The following SEZ6L variants were observed in gnomAD, a reference collection of about 807,000 sequenced individuals.
The protein encoded by SEZ6L is seizure 6-like protein.
In SEZ6L, 37 loss-of-function variants were observed where a neutral mutation model predicts 106.2. That is an observed-to-expected ratio of 0.35 (90% CI 0.27 to 0.46). SEZ6L has a LOEUF of 0.46. Ranked by LOEUF, SEZ6L falls within the 20% of genes least tolerant of loss-of-function variation. SEZ6L has a pLI of 1.00. For synonymous variants in SEZ6L, 541 were observed against 570.4 expected, an observed-to-expected ratio of 0.95 and a Z score of 0.73; for missense variants, 1,172 against 1,332.8, an observed-to-expected ratio of 0.88 and a Z score of 1.88.
intron 1 of SEZ6L, among the ~76,000 whole-genome samples, chr22:26,206,706 G>A (rs1331079890): frequency 6.6e-6 from 1 of 152,178 alleles, no homozygotes; most frequent in African/African-American, 2.4e-5. Flanking sequence ...TACCTCTAGC[G>A]TAGATAATCA....
chr22:26,351,794 G>A (rs973421547), intron 12 of SEZ6L, among the ~76,000 whole-genome samples: 7 of 152,160 alleles, frequency 4.6e-5, no homozygotes, highest in East Asian at 1.9e-4. Context: ...TGATCCACCC[G>A]CCTCGGCCTC....
chr22:26,336,421 C>G (rs1379497747), intron 9 of SEZ6L, among the ~76,000 whole-genome samples: 1 of 152,160 alleles, frequency 6.6e-6, no homozygotes, highest in Non-Finnish European at 1.5e-5. Flanking sequence ...ATTTCCCCAC[C>G]AGTGCTGCCT....
chr22:26,314,314 A>G (rs557110350), intron 9 of SEZ6L, among the ~76,000 whole-genome samples: 2 of 152,388 alleles, frequency 1.3e-5, no homozygotes, highest in Admixed American at 6.5e-5. Context: ...ACTAAAGCTC[A>G]GAACTAAAAG....
At chr22:26,191,872 T>C (rs1206239860) in intron 1 of SEZ6L, among the ~76,000 whole-genome samples, 1 of 152,194 alleles carries the variant, frequency 6.6e-6, no homozygotes, top group Non-Finnish European at 1.5e-5. Context: ...TTCCAGTCCT[T>C]GTGTTCAAGT....
intron 1 of SEZ6L, among the ~76,000 whole-genome samples, chr22:26,179,401 C>A (rs2123773034): frequency 6.6e-6 from 1 of 152,210 alleles, no homozygotes; most frequent in South Asian, 2.1e-4. Context: ...TAAAAAACAA[C>A]AAATGGAGAG....
chr22:26,263,637 A>T lies in SEZ6L; in HGVS notation c.95-28769A>T, dbSNP rs186597384. ...ACAAATGTTGTCCCAATTCCCAACG[A>T]TCATCTGAGATAGACAGTTTCCCTT... On this transcript the variant is annotated intron_variant, in intron 1 of 16. Coordinates refer to ENST00000248933, the MANE Select transcript of SEZ6L (RefSeq NM_021115.5). Among the ~76,000 whole-genome samples, 8 of 152,316 alleles carry T rather than the reference A, an allele frequency of 5.3e-5. No homozygotes were observed. In the East Asian group the frequency reaches 1.2e-3, roughly 22 times the overall value.
chr22:26,365,667 G>A (rs2083783965), intron 13 of SEZ6L, 101 bp downstream of exon 13: 2 of 1,096,418 alleles, frequency 1.8e-6, no homozygotes, highest in Non-Finnish European at 1.3e-6. Context: ...TGGACTAGGA[G>A]TTCGAGACCA....
intron 1 of SEZ6L, among the ~76,000 whole-genome samples, chr22:26,238,821 C>T (rs773859528): frequency 2.6e-5 from 4 of 152,176 alleles, no homozygotes; most frequent in Admixed American, 6.5e-5. Flanking sequence ...CAGTTCCTTC[C>T]AACTTAAACC....
chr22:26,351,014 G>A, intron 11 of SEZ6L, 38 bp from the exon 12 acceptor site: 1 of 1,580,014 alleles, frequency 6.3e-7, no homozygotes, highest in Non-Finnish European at 8.6e-7. Context: ...GTCATCCAGA[G>A]GTCTGACGTC....
intron 9 of SEZ6L, among the ~76,000 whole-genome samples, chr22:26,314,376 G>T (rs756741497): frequency 2.0e-5 from 3 of 152,234 alleles, no homozygotes; most frequent in Non-Finnish European, 4.4e-5. Context: ...AGGCCCTGTG[G>T]CAAGCATCTC....
intron 9 of SEZ6L, among the ~76,000 whole-genome samples, chr22:26,323,807 C>T (rs566073865): frequency 6.6e-6 from 1 of 151,580 alleles, no homozygotes; most frequent in Non-Finnish European, 1.5e-5. Flanking sequence ...TGATAAAGAC[C>T]AACAGCTGAC....
chr22:26,315,791 C>T (rs2145931690), intron 9 of SEZ6L, among the ~76,000 whole-genome samples: 1 of 152,304 alleles, frequency 6.6e-6, no homozygotes, highest in South Asian at 2.1e-4. Flanking sequence ...GGCACGGTAG[C>T]TCACACCTGT....
chr22:26,194,742 GCAAA>G (rs573133344), intron 1 of SEZ6L, among the ~76,000 whole-genome samples: 9 of 152,300 alleles, frequency 5.9e-5, no homozygotes, highest in Admixed American at 5.9e-4. Flanking sequence ...TACAAGCTGT[GCAAA>G]CAAAGCAAGC....
At position 26,380,387 on chromosome 22, in the gene SEZ6L, C is replaced by G; in HGVS notation, c.*92C>G. The G allele has an allele frequency of 4.1e-6, 4 of 981,746 alleles. No homozygotes were observed. The highest frequency in any genetic ancestry group is 2.1e-4 in the Middle Eastern group (1 of 4,756). The allele number at this position is 981,746 out of a possible 1,614,324, so 60.8% of individuals were successfully genotyped here. ...GACCATGTGGCACTTGATTGAAACC[C>G]CAGAATGTCGACTGTCTTTTGTTTA... On this transcript the variant is annotated 3_prime_UTR_variant, in exon 17 of 17. Coordinates refer to ENST00000248933, the MANE Select transcript of SEZ6L (RefSeq NM_021115.5).
intron 1 of SEZ6L, among the ~76,000 whole-genome samples, chr22:26,227,147 A>C (rs1252767951): frequency 6.6e-6 from 1 of 152,204 alleles, no homozygotes; most frequent in Non-Finnish European, 1.5e-5. Context: ...GTCTCTGCTC[A>C]GCGAACATCT....
chr22:26,329,524 G>C (rs900185118), intron 9 of SEZ6L, among the ~76,000 whole-genome samples: 1 of 152,140 alleles, frequency 6.6e-6, no homozygotes, highest in Non-Finnish European at 1.5e-5. Context: ...TGTCCTATTA[G>C]GGAGCCAAAG....
At chr22:26,368,645 G>A (rs1051046375) in intron 13 of SEZ6L, among the ~76,000 whole-genome samples, 12 of 152,156 alleles carry the variant, frequency 7.9e-5, no homozygotes, top group Non-Finnish European at 1.6e-4. Context: ...TTTGGAACTA[G>A]GCAGAGGTCA....
intron 9 of SEZ6L, among the ~76,000 whole-genome samples, chr22:26,324,551 G>A (rs982386464): frequency 1.3e-5 from 2 of 152,174 alleles, no homozygotes; most frequent in African/African-American, 4.8e-5. Context: ...CTGAGAGCCA[G>A]GAAAGGAGGA....
At position 26,311,821 on chromosome 22, in the gene SEZ6L, A is replaced by G; in HGVS notation, c.1735A>G (p.Thr579Ala). Residue 579 changes from threonine to alanine, a missense_variant, in exon 8 of 17, where the codon ACA (threonine) becomes GCA (alanine). Physicochemically the swap from Thr to Ala is moderately conservative, Grantham distance 58. This residue lies in a region of SEZ6L where 534 missense variants were observed against 691.0 expected (regional missense o/e 0.77). Coordinates refer to ENST00000248933, the MANE Select transcript of SEZ6L (RefSeq NM_021115.5). ...EPYIQNGNFT[T>A]SDPTYNIGTI... is the part of the protein sequence containing the mutation. ...CTACATCCAGAATGGGAACTTCACT[A>G]CATCCGACCCGACCTATAACATTGG... The G allele has an allele frequency of 6.2e-7, 1 of 1,614,198 alleles. No homozygotes were observed.
Sources: gnomAD v4.1 joint callset for allele counts (sites outside exome capture counted in the v4.1 genomes callset) on GRCh38, gnomAD v4.1.1 for gene constraint, gnomAD v4.1.1 regional missense constraint, MANE v1.5 for transcripts, NCBI Gene and HGNC (gene_info 2026-07-23, HGNC 2026-07-21) for gene names.